SLC4A10: variants seen among roughly 807,000 people sequenced by gnomAD.
SLC4A10 encodes the protein solute carrier family 4 member 10.
In SLC4A10, 42 loss-of-function variants were observed where a neutral mutation model predicts 137.7. The observed-to-expected ratio is 0.30, with a 90% CI of 0.24 to 0.39. SLC4A10 has a LOEUF of 0.39. SLC4A10 is among the 10% of genes least tolerant of loss of function. The pLI, the probability that SLC4A10 is intolerant of heterozygous loss-of-function variation, is 1.00. For synonymous variants in SLC4A10, 474 were observed against 464.1 expected (o/e 1.02, Z -0.27); for missense variants, 925 against 1,355.0 (o/e 0.68, Z 4.98).
intron 3 of SLC4A10, among the ~76,000 whole-genome samples, chr2:161,815,390 G>A (rs146401289): frequency 1.3e-5 from 2 of 152,034 alleles, no homozygotes; most frequent in African/African-American, 4.8e-5. Flanking sequence ...CTCTTCTGCC[G>A]CCTTGTGAAG....
intron 3 of SLC4A10, among the ~76,000 whole-genome samples, chr2:161,839,117 G>C (rs2059007792): frequency 6.6e-6 from 1 of 152,218 alleles, no homozygotes; most frequent in Non-Finnish European, 1.5e-5. Flanking sequence ...GCAATGGACT[G>C]TTACTCAGCT....
chr2:161,964,964 T>G, intron 22 of SLC4A10, 87 bp from the exon 23 acceptor site: 1 of 1,238,884 alleles, frequency 8.1e-7, no homozygotes, highest in Non-Finnish European at 1.1e-6. Context: ...CTAATAGAAA[T>G]TGTTTCTACC....
chr2:161,846,209 C>G (rs2059483731), intron 4 of SLC4A10, among the ~76,000 whole-genome samples: 1 of 151,992 alleles, frequency 6.6e-6, no homozygotes, highest in Admixed American at 6.6e-5. Context: ...TGGCGAATAG[C>G]ACATGGAAAA....
chr2:161,940,915 G>A (rs536376109), intron 15 of SLC4A10, among the ~76,000 whole-genome samples: 1 of 152,158 alleles, frequency 6.6e-6, no homozygotes, highest in African/African-American at 2.4e-5. Context: ...ATTAGCCTGG[G>A]CAACATAACA....
At chr2:161,785,867 T>A (rs1233856543) in intron 2 of SLC4A10, among the ~76,000 whole-genome samples, 1 of 151,938 alleles carries the variant, frequency 6.6e-6, no homozygotes, top group African/African-American at 2.4e-5. Flanking sequence ...ATTTTTCATG[T>A]GCAGATGAGA....
rs558911026 is a variant in SLC4A10 at position 161,641,015 on chromosome 2, T to G, written c.48+16449T>G. On this transcript the variant is annotated intron_variant, in intron 1 of 26. Transcript: ENST00000446997. Reference sequence around the variant, plus strand: ...TCTCCAGCCTCATCATTACAGATCCTCTCTAGATACCATTTTGGCCATGAC... The same window carrying G: ...TCTCCAGCCTCATCATTACAGATCCGCTCTAGATACCATTTTGGCCATGAC... Among the ~76,000 whole-genome samples, 193 of 152,264 alleles carry G rather than the reference T, an allele frequency of 1.3e-3. 1 individual carries two copies. The highest frequency in any genetic ancestry group is 4.5e-3 in the African/African-American group (185 of 41,552).
At chr2:161,650,499 A>T (rs956730232) in intron 1 of SLC4A10, among the ~76,000 whole-genome samples, 1 of 151,048 alleles carries the variant, frequency 6.6e-6, no homozygotes, top group South Asian at 2.1e-4. Context: ...AGTTTACTGG[A>T]CAGGGGAGCC....
intron 1 of SLC4A10, among the ~76,000 whole-genome samples, chr2:161,685,211 C>A (rs1224527945): frequency 2.0e-5 from 3 of 152,060 alleles, no homozygotes; most frequent in African/African-American, 7.2e-5. Flanking sequence ...TAGCTGCTAC[C>A]ATTTATTATT....
At chr2:161,738,903 C>T in intron 1 of SLC4A10, among the ~76,000 whole-genome samples, 1 of 152,182 alleles carries the variant, frequency 6.6e-6, no homozygotes, top group East Asian at 1.9e-4. Context: ...AACTATTGGG[C>T]CATCTTCACT....
At chr2:161,895,835 T>C (rs1359253772) in intron 11 of SLC4A10, among the ~76,000 whole-genome samples, 3 of 152,190 alleles carry the variant, frequency 2.0e-5, no homozygotes, top group African/African-American at 7.2e-5. Flanking sequence ...ATGAGTAGGT[T>C]GTGAAAATTT....
rs140750319 is a variant in SLC4A10, at chr2:161,765,576, C to G, written c.49-5397C>G. On this transcript the variant is annotated intron_variant, in intron 1 of 26. Transcript: ENST00000446997. ...GTTGCAGTGAGCTGAGATCATGCCACTGTACTCCAGCCTGAGTGACAGAGC... is the reference window on the plus strand; with the variant it reads ...GTTGCAGTGAGCTGAGATCATGCCAGTGTACTCCAGCCTGAGTGACAGAGC... 6.0e-4 allele frequency among the ~76,000 whole-genome samples: 88 copies of G among 145,958 alleles called. 1 individual carries two copies. In the East Asian group the frequency reaches 0.014, roughly 22 times the overall value.
chr2:161,738,662 A>G (rs1574671193), intron 1 of SLC4A10, among the ~76,000 whole-genome samples: 1 of 152,218 alleles, frequency 6.6e-6, no homozygotes, highest in African/African-American at 2.4e-5. Context: ...TGATTTAACA[A>G]GTGTTACTGT....
At position 161,964,677 on chromosome 2, in the gene SLC4A10, G is replaced by C. The variant is rs1402257743; in HGVS notation, c.3036+369G>C. Among the ~76,000 whole-genome samples the C allele has an allele frequency of 2.0e-5, 3 of 152,194 alleles. No individual in the cohort carries two copies. The East Asian group carries it at 5.8e-4, about 29-fold the overall frequency. On this transcript the variant is annotated intron_variant, in intron 22 of 26. Transcript: ENST00000446997. ...TTTCAAATACTTCAAAAACTATAGT[G>C]AATTTGAATGACTAAATAATTTCAT... is the stretch of plus-strand genomic sequence containing the variant.
At chr2:161,814,652 G>A (rs1157833404) in intron 3 of SLC4A10, among the ~76,000 whole-genome samples, 1 of 152,116 alleles carries the variant, frequency 6.6e-6, no homozygotes, top group African/African-American at 2.4e-5. Flanking sequence ...TATCCTAAGT[G>A]AATTAATGCA....
At chr2:161,646,973 C>T (rs976440970) in intron 1 of SLC4A10, among the ~76,000 whole-genome samples, 5 of 151,926 alleles carry the variant, frequency 3.3e-5, no homozygotes, top group South Asian at 2.1e-4. Context: ...CTCATTTATT[C>T]GCAGTTCTAA....
chr2:161,711,067 T>G (rs1447461268), intron 1 of SLC4A10, among the ~76,000 whole-genome samples: 1 of 151,872 alleles, frequency 6.6e-6, no homozygotes, highest in Non-Finnish European at 1.5e-5. Context: ...TAGGTCAAAC[T>G]GTATCATTAT....
chr2:161,852,749 C>T (rs922144333), intron 4 of SLC4A10, among the ~76,000 whole-genome samples: 1 of 152,044 alleles, frequency 6.6e-6, no homozygotes, highest in Non-Finnish European at 1.5e-5. Context: ...GGCACAGGCT[C>T]TGGAGAAAAA....
At chr2:161,854,517 G>T (rs2125853869) in intron 4 of SLC4A10, among the ~76,000 whole-genome samples, 1 of 152,168 alleles carries the variant, frequency 6.6e-6, no homozygotes, top group African/African-American at 2.4e-5. Flanking sequence ...AATTATGCTA[G>T]CCTCCCTCAA....
intron 3 of SLC4A10, among the ~76,000 whole-genome samples, chr2:161,820,254 G>A (rs774000725): frequency 8.5e-5 from 13 of 152,132 alleles, no homozygotes; most frequent in Non-Finnish European, 1.6e-4. Flanking sequence ...GTGGCTTCCT[G>A]TTCCTATTTT....
Sources: allele counts gnomAD v4.1 joint callset (sites outside exome capture counted in the v4.1 genomes callset), GRCh38; gene constraint gnomAD v4.1.1; transcripts MANE v1.5; gene names NCBI Gene and HGNC (gene_info 2026-07-23, HGNC 2026-07-21).